UNC5D: variants seen among roughly 807,000 people sequenced by gnomAD.
UNC5D encodes the protein unc-5 netrin receptor D.
A neutral mutation model predicts 105.4 loss-of-function variants in UNC5D; 39 were observed. The ratio of observed to expected loss-of-function variants is 0.37; its 90% confidence interval spans 0.29 to 0.48. The LOEUF (loss-of-function observed/expected upper bound fraction) is 0.48. Among genes scored for constraint, UNC5D ranks in the 20% least tolerant of loss-of-function variants. The pLI is 0.98. For synonymous variants in UNC5D, 452 were observed against 450.4 expected (o/e 1.00, Z -0.04); for missense variants, 991 against 1,202.4 (o/e 0.82, Z 2.60).
intron 8 of UNC5D, among the ~76,000 whole-genome samples, chr8:35,711,382 G>A (rs965760364): frequency 1.3e-5 from 2 of 151,844 alleles, no homozygotes; most frequent in African/African-American, 4.8e-5. Context: ...GTTTCACCAC[G>A]TTGCCCAGGC....
chr8:35,313,154 A>T (rs1015250379), intron 1 of UNC5D, among the ~76,000 whole-genome samples: 13 of 152,226 alleles, frequency 8.5e-5, no homozygotes, highest in African/African-American at 3.1e-4. Context: ...TAGGTCATTA[A>T]GGTGAACTGT....
intron 1 of UNC5D, among the ~76,000 whole-genome samples, chr8:35,281,476 GT>G (rs1240479776): frequency 7.0e-6 from 1 of 143,824 alleles, no homozygotes; most frequent in Non-Finnish European, 1.5e-5. Context: ...GTCTCGCTCT[GT>G]CGCCCAGGCT....
chr8:35,242,560 C>G (rs1283659366), intron 1 of UNC5D, among the ~76,000 whole-genome samples: 1 of 152,180 alleles, frequency 6.6e-6, no homozygotes, highest in Non-Finnish European at 1.5e-5. Flanking sequence ...TCACTGCAAC[C>G]TCTGCCTCCC....
intron 11 of UNC5D, among the ~76,000 whole-genome samples, chr8:35,746,222 A>T (rs1362575449): frequency 6.6e-6 from 1 of 152,196 alleles, no homozygotes; most frequent in East Asian, 1.9e-4. Flanking sequence ...TTTTCCTGCC[A>T]TCACCTTGAT....
At chr8:35,406,865 A>G (rs1804838161) in intron 1 of UNC5D, among the ~76,000 whole-genome samples, 2 of 152,166 alleles carry the variant, frequency 1.3e-5, no homozygotes, top group Admixed American at 1.3e-4. Context: ...ACAAATTTGC[A>G]CATACAGAAG....
At chr8:35,323,622 A>G (rs1997313) in intron 1 of UNC5D, among the ~76,000 whole-genome samples, 124,243 of 152,080 alleles carry the variant, frequency 0.82, 51,254 homozygotes, top group East Asian at 1. Context: ...ATAGTGTGTG[A>G]ATTAATATTT....
intron 15 of UNC5D, among the ~76,000 whole-genome samples, chr8:35,771,252 A>G (rs898921056): frequency 6.6e-6 from 1 of 152,188 alleles, no homozygotes; most frequent in Non-Finnish European, 1.5e-5. Flanking sequence ...TTCTGCCCAC[A>G]GTGAAGAGAG....
chr8:35,279,805 C>G (rs1409433467), intron 1 of UNC5D, among the ~76,000 whole-genome samples: 2 of 152,146 alleles, frequency 1.3e-5, no homozygotes, highest in East Asian at 1.9e-4. Flanking sequence ...GGCAAAAGAT[C>G]CCCAGCTTCC....
At chr8:35,429,668 T>A (rs1269587333) in intron 1 of UNC5D, among the ~76,000 whole-genome samples, 2 of 152,174 alleles carry the variant, frequency 1.3e-5, no homozygotes, top group Non-Finnish European at 2.9e-5. Context: ...AATTTGTGCA[T>A]GATAAACTAC....
chr8:35,668,515 T>G (rs1367821887), intron 4 of UNC5D, among the ~76,000 whole-genome samples: 1 of 152,130 alleles, frequency 6.6e-6, no homozygotes, highest in Non-Finnish European at 1.5e-5. Context: ...AAATCCTTCC[T>G]CATCCTAATA....
At chr8:35,265,177 A>G (rs1804770220) in intron 1 of UNC5D, among the ~76,000 whole-genome samples, 1 of 149,902 alleles carries the variant, frequency 6.7e-6, no homozygotes, top group African/African-American at 2.4e-5. Flanking sequence ...AATAAATTCT[A>G]CTCTTAGGTT....
intron 1 of UNC5D, among the ~76,000 whole-genome samples, chr8:35,289,305 C>A (rs963797150): frequency 2.3e-4 from 35 of 152,094 alleles, no homozygotes; most frequent in Non-Finnish European, 4.4e-5. Flanking sequence ...ATCAAGCAGA[C>A]ATAAAAGTTG....
At chr8:35,265,863 C>A (rs951754364) in intron 1 of UNC5D, among the ~76,000 whole-genome samples, 15 of 108,622 alleles carry the variant, frequency 1.4e-4, no homozygotes, top group African/African-American at 5.0e-4. Context: ...GAGCGAGACT[C>A]GTCTCATAAT....
chr8:35,299,250 G>A (rs1807737738), intron 1 of UNC5D, among the ~76,000 whole-genome samples: 1 of 152,218 alleles, frequency 6.6e-6, no homozygotes, highest in Admixed American at 6.5e-5. Flanking sequence ...AGCAAAGAGT[G>A]TGACCAAACT....
intron 4 of UNC5D, among the ~76,000 whole-genome samples, chr8:35,621,719 C>A (rs1199979361): frequency 1.3e-5 from 2 of 152,208 alleles, no homozygotes; most frequent in Non-Finnish European, 2.9e-5. Flanking sequence ...CATCAGGCCA[C>A]TACCCTGCAA....
At chr8:35,413,049 A>G (rs1257758417) in intron 1 of UNC5D, among the ~76,000 whole-genome samples, 1 of 152,100 alleles carries the variant, frequency 6.6e-6, no homozygotes, top group Non-Finnish European at 1.5e-5. Flanking sequence ...GTTTACGCTG[A>G]CAGGCTGCAA....
rs151308421 is a variant in UNC5D, at chr8:35,778,426, C to T, written c.2657+3949C>T. Among the ~76,000 whole-genome samples, 37 of 152,284 alleles carry T rather than the reference C, an allele frequency of 2.4e-4. No homozygotes were observed. The East Asian group carries it at 6.6e-3, about 27-fold the overall frequency. Reference sequence around the variant, plus strand: ...CATTGTAAAAGCCCCAAACCATTGTCTTTTCTCTCTTATGAGTCCAAATAA... The same window carrying T: ...CATTGTAAAAGCCCCAAACCATTGTTTTTTCTCTCTTATGAGTCCAAATAA... On this transcript the variant is annotated intron_variant, in intron 16 of 16. Coordinates refer to ENST00000404895, the MANE Select transcript of UNC5D (RefSeq NM_080872.4).
At chr8:35,370,491 A>G (rs1047947270) in intron 1 of UNC5D, among the ~76,000 whole-genome samples, 1 of 152,218 alleles carries the variant, frequency 6.6e-6, no homozygotes, top group Non-Finnish European at 1.5e-5. Context: ...TTAAGTATTT[A>G]AAATTAAAAC....
intron 1 of UNC5D, among the ~76,000 whole-genome samples, chr8:35,540,314 TC>T (rs1377212801): frequency 3.3e-5 from 5 of 152,172 alleles, no homozygotes; most frequent in Non-Finnish European, 5.9e-5. Context: ...TTCATTTTTT[TC>T]CTAAATACAT....
Sources: allele counts gnomAD v4.1 joint callset (sites outside exome capture counted in the v4.1 genomes callset), GRCh38; gene constraint gnomAD v4.1.1; transcripts MANE v1.5; gene names NCBI Gene and HGNC (gene_info 2026-07-23, HGNC 2026-07-21).